CDH13: variants seen among roughly 807,000 people sequenced by gnomAD.
CDH13 encodes the protein cadherin 13.
Under a neutral mutation model 63.8 loss-of-function variants are expected in CDH13, and 24 were observed. That is an observed-to-expected ratio of 0.38 (90% CI 0.27 to 0.53). The LOEUF (loss-of-function observed/expected upper bound fraction) is 0.53, where lower values mean the gene tolerates loss of function less well. Ranked by LOEUF, CDH13 falls within the 20% of genes least tolerant of loss-of-function variation. The probability of loss-of-function intolerance (pLI) is 0.85; values close to 1 mark genes in which losing one functional copy is unlikely to be tolerated. For missense variants in CDH13, 1,049 were observed against 903.1 expected (o/e 1.16, Z -2.07); for synonymous variants, 503 against 355.3 (o/e 1.42, Z -4.67).
chr16:82,923,507 A>T (rs1473371292), intron 2 of CDH13, among the ~76,000 whole-genome samples: 1 of 152,192 alleles, frequency 6.6e-6, no homozygotes, highest in East Asian at 1.9e-4. Context: ...ACTCTTAGGG[A>T]GGTCACAGAG....
At chr16:82,850,343 G>A (rs951096218) in intron 1 of CDH13, among the ~76,000 whole-genome samples, 12 of 152,202 alleles carry the variant, frequency 7.9e-5, no homozygotes, top group African/African-American at 1.2e-4. Flanking sequence ...AGAAGTGGTC[G>A]AAATAGCAAG....
At chr16:83,051,934 A>ATT (rs145765152) in intron 3 of CDH13, among the ~76,000 whole-genome samples, 21 of 150,560 alleles carry the variant, frequency 1.4e-4, no homozygotes, top group African/African-American at 3.4e-4. Flanking sequence ...CAACCATTTA[A>ATT]TTTTTTTTTT....
chr16:82,676,571 C>A (rs751092516), intron 1 of CDH13, among the ~76,000 whole-genome samples: 4 of 142,462 alleles, frequency 2.8e-5, no homozygotes, highest in Non-Finnish European at 6.0e-5. Flanking sequence ...TTCTTCCAAT[C>A]TTTCTCTTCT....
chr16:83,654,737 C>T (rs1450074261), intron 8 of CDH13: 1 of 152,212 alleles, frequency 6.6e-6, no homozygotes, highest in Non-Finnish European at 1.5e-5. Context: ...CCTATTGCTC[C>T]ACTCACCCCA....
At chr16:83,376,078 C>A (rs139898613) in intron 6 of CDH13, among the ~76,000 whole-genome samples, 49 of 152,120 alleles carry the variant, frequency 3.2e-4, no homozygotes, top group African/African-American at 1.1e-3. Context: ...TTACTTATTC[C>A]TTGGCTCTGC....
chr16:83,393,509 C>T (rs974498827), intron 6 of CDH13, among the ~76,000 whole-genome samples: 6 of 152,202 alleles, frequency 3.9e-5, no homozygotes, highest in African/African-American at 1.2e-4. Flanking sequence ...TCTTTACTGA[C>T]GTGCCATGGC....
At chr16:83,163,979 G>C (rs1416453882) in intron 4 of CDH13, among the ~76,000 whole-genome samples, 1 of 151,942 alleles carries the variant, frequency 6.6e-6, no homozygotes, top group Non-Finnish European at 1.5e-5. Flanking sequence ...CTGAACATTA[G>C]ACTAAGCATT....
rs56063197 is a variant in CDH13 at position 83,294,618 on chromosome 16, G to GTA, written c.637-50234_637-50233dup. Among the ~76,000 whole-genome samples, 50 of 150,596 alleles carry GTA rather than the reference G, an allele frequency of 3.3e-4. 1 individual carries two copies. The highest frequency in any genetic ancestry group is 6.3e-4 in the African/African-American group (26 of 40,954). On this transcript the variant is annotated intron_variant, in intron 5 of 13. Transcript: ENST00000567109. ...TATATGTGTATGTGTGTGTGTGTGT[G>GTA]TATATATATATGTGATATTCATGTA...
chr16:83,154,722 G>C (rs1285379011), intron 4 of CDH13, among the ~76,000 whole-genome samples: 1 of 152,128 alleles, frequency 6.6e-6, no homozygotes, highest in East Asian at 1.9e-4. Flanking sequence ...ATTAGACACA[G>C]ACCCTGCCAG....
At chr16:83,781,236 G>A (rs1433918217) in intron 12 of CDH13, among the ~76,000 whole-genome samples, 1 of 152,130 alleles carries the variant, frequency 6.6e-6, no homozygotes, top group Non-Finnish European at 1.5e-5. Context: ...TTAATATGGA[G>A]TATCCCTATA....
At chr16:82,821,055 C>T (rs967308324) in intron 1 of CDH13, among the ~76,000 whole-genome samples, 1 of 152,070 alleles carries the variant, frequency 6.6e-6, no homozygotes, top group Non-Finnish European at 1.5e-5. Flanking sequence ...AGCTGGAGAC[C>T]AGCTGCTGTC....
In CDH13 at chr16:83,123,316, G is replaced by GT. The variant is rs534134516; in HGVS notation, c.367-2067dup. Among the ~76,000 whole-genome samples, 6 of 151,072 alleles carry GT rather than the reference G, an allele frequency of 4.0e-5. No individual in the cohort carries two copies. The South Asian group carries it at 1.3e-3, about 32-fold the overall frequency. ...TTTTTTGAGACTGATTTTCACTCTT[G>GT]TTGCCCAGGCTGGAGTGCAATGGCG... On this transcript the variant is annotated intron_variant, in intron 3 of 13. Coordinates refer to ENST00000567109, the MANE Select transcript of CDH13 (RefSeq NM_001257.5).
At chr16:82,652,939 A>G (rs1417097852) in intron 1 of CDH13, among the ~76,000 whole-genome samples, 1 of 152,162 alleles carries the variant, frequency 6.6e-6, no homozygotes, top group East Asian at 1.9e-4. Context: ...TCATTAGCTC[A>G]TTCATTCATT....
chr16:82,744,705 G>C (rs1354750933), intron 1 of CDH13, among the ~76,000 whole-genome samples: 2 of 152,094 alleles, frequency 1.3e-5, no homozygotes, highest in Non-Finnish European at 2.9e-5. Context: ...CACATGCTAG[G>C]CACTGCAGTG....
At chr16:83,746,673 T>C (rs1323131190) in intron 10 of CDH13, among the ~76,000 whole-genome samples, 1 of 111,264 alleles carries the variant, frequency 9.0e-6, no homozygotes, top group East Asian at 2.0e-4. Flanking sequence ...TCTTTACCAG[T>C]GTAAAGATTC....
At chr16:82,741,456 A>G (rs747914086) in intron 1 of CDH13, among the ~76,000 whole-genome samples, 1 of 152,218 alleles carries the variant, frequency 6.6e-6, no homozygotes, top group Non-Finnish European at 1.5e-5. Flanking sequence ...CATTTTATAC[A>G]TATGGCTATA....
chr16:83,144,474 G>C (rs530310576), intron 4 of CDH13, among the ~76,000 whole-genome samples: 3 of 152,178 alleles, frequency 2.0e-5, no homozygotes, highest in Non-Finnish European at 2.9e-5. Flanking sequence ...GGGAACACAT[G>C]ATCAGCAATA....
intron 2 of CDH13, among the ~76,000 whole-genome samples, chr16:83,010,684 G>A (rs573972455): frequency 1.3e-5 from 2 of 152,182 alleles, no homozygotes; most frequent in East Asian, 3.9e-4. Context: ...GTCCCTAATG[G>A]TTGTTACCCA....
intron 3 of CDH13, among the ~76,000 whole-genome samples, chr16:83,050,200 G>A (rs925781883): frequency 8.6e-5 from 13 of 151,984 alleles, no homozygotes; most frequent in South Asian, 2.1e-4. Flanking sequence ...GCCTACTGTC[G>A]CCATAACTCT....
Sources: gnomAD v4.1 joint callset for allele counts (sites outside exome capture counted in the v4.1 genomes callset) on GRCh38, gnomAD v4.1.1 for gene constraint, MANE v1.5 for transcripts, NCBI Gene and HGNC (gene_info 2026-07-23, HGNC 2026-07-21) for gene names.